Variants in MARK3 observed in about 807,000 individuals in gnomAD.
The protein encoded by MARK3 is microtubule affinity regulating kinase 3, also known as MAP/microtubule affinity-regulating kinase 3.
Under a neutral mutation model 90.1 loss-of-function variants are expected in MARK3, and 46 were observed. The observed-to-expected ratio is 0.51, with a 90% confidence interval of 0.40 to 0.65. The LOEUF (loss-of-function observed/expected upper bound fraction) is 0.65, where lower values mean the gene tolerates loss of function less well. Among genes scored for constraint, MARK3 ranks in the 30% least tolerant of loss-of-function variants. The pLI, the probability that MARK3 is intolerant of heterozygous loss-of-function variation, is 0.00. For missense variants in MARK3, 818 were observed against 947.2 expected (o/e 0.86, Z 1.79); for synonymous variants, 321 against 332.6 (o/e 0.97, Z 0.38).
In MARK3 at chr14:103,405,125, G is replaced by T; in HGVS notation, c.101G>T (p.Arg34Leu). 1.2e-6 allele frequency: 2 copies of T among 1,613,836 alleles called. No individual in the cohort carries two copies. The highest frequency in any genetic ancestry group is 8.5e-7 in the Non-Finnish European group (1 of 1,179,924). The change falls in exon 2 of 18, where the codon CGC becomes CTC. Residue 34 changes from arginine to leucine, a missense_variant. Physicochemically the swap from Arg to Leu is moderately radical, Grantham distance 102. This residue lies in a region of MARK3 where 157 missense variants were observed against 158.7 expected (regional missense o/e 0.99). Transcript: ENST00000429436. ...GRQEVTSRTS[R>L]SGARCRNSIA... The stretch of plus-strand genomic sequence containing the variant: ...CAAGAAGTTACCTCTCGTACCAGCC[G>T]CTCAGGAGCTCGGTGTAGAAACTCT...
intron 2 of MARK3, among the ~76,000 whole-genome samples, chr14:103,427,376 G>A (rs1449595604): frequency 1.3e-5 from 2 of 150,494 alleles, no homozygotes; most frequent in East Asian, 3.9e-4. Flanking sequence ...GTGCGCACCT[G>A]TAATCCCAGC....
At chr14:103,410,257 G>A (rs1595524829) in intron 2 of MARK3, among the ~76,000 whole-genome samples, 1 of 152,172 alleles carries the variant, frequency 6.6e-6, no homozygotes, top group African/African-American at 2.4e-5. Context: ...TACATGAAGG[G>A]CGTGATGGAA....
chr14:103,393,762 CT>C (rs36003065), intron 1 of MARK3, among the ~76,000 whole-genome samples: 71,071 of 145,278 alleles, frequency 0.49, 16,911 homozygotes, highest in South Asian at 0.61. Context: ...CATTTTATTA[CT>C]TTTTTTTTTT....
At chr14:103,420,678 A>G in intron 2 of MARK3, among the ~76,000 whole-genome samples, 1 of 152,082 alleles carries the variant, frequency 6.6e-6, no homozygotes, top group East Asian at 1.9e-4. Context: ...GATAGTTAAT[A>G]CTCATTTTTT....
At chr14:103,480,531 C>G (rs748536252) in intron 14 of MARK3, 41 bp downstream of exon 14, 317 of 1,235,042 alleles carry the variant, frequency 2.6e-4, no homozygotes, top group Non-Finnish European at 5.8e-5. Context: ...TTGTTTTTCC[C>G]AAGAGAAATG....
intron 3 of MARK3, among the ~76,000 whole-genome samples, chr14:103,439,516 C>G (rs141045532): frequency 1.1e-4 from 17 of 152,308 alleles, no homozygotes; most frequent in Non-Finnish European, 2.5e-4. Context: ...TCAAGCGATT[C>G]TTGTGCCTCA....
intron 3 of MARK3, among the ~76,000 whole-genome samples, chr14:103,438,061 C>T (rs937893008): frequency 3.3e-5 from 5 of 152,128 alleles, no homozygotes; most frequent in Non-Finnish European, 5.9e-5. Context: ...AGTGCAATGG[C>T]GTGATCTCGG....
intron 3 of MARK3, among the ~76,000 whole-genome samples, chr14:103,436,380 AC>A (rs1290689995): frequency 6.7e-6 from 1 of 149,924 alleles, no homozygotes; most frequent in Non-Finnish European, 1.5e-5. Flanking sequence ...TTTTCATTGA[AC>A]AACTCTTTTC....
intron 14 of MARK3, among the ~76,000 whole-genome samples, chr14:103,487,874 C>G (rs2093956441): frequency 6.6e-6 from 1 of 152,022 alleles, no homozygotes; most frequent in African/African-American, 2.4e-5. Flanking sequence ...TGGTGAAATC[C>G]CGTCTCTACG....
intron 1 of MARK3, among the ~76,000 whole-genome samples, chr14:103,397,286 C>T (rs2090637100): frequency 6.6e-6 from 1 of 151,908 alleles, no homozygotes; most frequent in South Asian, 2.1e-4. Flanking sequence ...CCTGCTAATG[C>T]CTACCATATA....
chr14:103,457,057 A>G (rs756476253), intron 5 of MARK3, 85 bp from the exon 6 acceptor site: 1 of 775,956 alleles, frequency 1.3e-6, no homozygotes, highest in Non-Finnish European at 2.1e-6. Context: ...AAATTAGAGC[A>G]TTGCTAAAAG....
intron 2 of MARK3, among the ~76,000 whole-genome samples, chr14:103,411,627 C>G (rs949572153): frequency 2.2e-4 from 33 of 150,894 alleles, no homozygotes; most frequent in African/African-American, 7.8e-4. Context: ...TTTTTTCTCT[C>G]TCTCTTTTTT....
intron 13 of MARK3, among the ~76,000 whole-genome samples, chr14:103,476,452 C>T (rs1046788966): frequency 2.8e-4 from 43 of 152,150 alleles, no homozygotes; most frequent in Admixed American, 1.4e-3. Flanking sequence ...AATTACACTG[C>T]CAACCTGAAT....
rs567743290 is a variant in MARK3 at position 103,407,065 on chromosome 14, C to T, written c.243+1798C>T. On this transcript the variant is annotated intron_variant, in intron 2 of 17. Coordinates refer to ENST00000429436, the MANE Select transcript of MARK3 (RefSeq NM_001128918.3). ...AGCCAGGATGGTCTCGATCTCATCT[C>T]GTGATCCGCCTGCCTCAGCCTCCCA... is the stretch of plus-strand genomic sequence containing the variant. Among the ~76,000 whole-genome samples, 9 of 151,584 alleles carry T rather than the reference C, an allele frequency of 5.9e-5. No homozygotes were observed. The South Asian group carries it at 6.3e-4, about 11-fold the overall frequency.
intron 15 of MARK3, among the ~76,000 whole-genome samples, chr14:103,493,729 G>A (rs1309645466): frequency 6.6e-6 from 1 of 151,592 alleles, no homozygotes; most frequent in Non-Finnish European, 1.5e-5. Context: ...ACAAAAATTA[G>A]CCAGGCATGG....
At chr14:103,471,109 A>G (rs1023264195) in intron 12 of MARK3, among the ~76,000 whole-genome samples, 1 of 152,154 alleles carries the variant, frequency 6.6e-6, no homozygotes, top group Non-Finnish European at 1.5e-5. Flanking sequence ...GTCACTAACA[A>G]GGGGGGTTTC....
At chr14:103,403,577 A>C (rs555674128) in intron 1 of MARK3, among the ~76,000 whole-genome samples, 1 of 152,278 alleles carries the variant, frequency 6.6e-6, no homozygotes, top group African/African-American at 2.4e-5. Flanking sequence ...TGTTTTCATG[A>C]AACTTAAATT....
At chr14:103,387,339 T>C (rs750044862) in intron 1 of MARK3, among the ~76,000 whole-genome samples, 2 of 152,120 alleles carry the variant, frequency 1.3e-5, no homozygotes, top group Non-Finnish European at 2.9e-5. Context: ...TGGCCCTGAG[T>C]AAGTAGAACA....
chr14:103,471,740 C>T (rs192841700), intron 12 of MARK3, among the ~76,000 whole-genome samples: 123 of 149,854 alleles, frequency 8.2e-4, no homozygotes, highest in African/African-American at 2.9e-3. Flanking sequence ...ACTTTTTCTG[C>T]GAATGGTGAT....
Sources: gnomAD v4.1 joint callset for allele counts (sites outside exome capture counted in the v4.1 genomes callset) on GRCh38, gnomAD v4.1.1 for gene constraint, gnomAD v4.1.1 regional missense constraint, MANE v1.5 for transcripts, NCBI Gene and HGNC (gene_info 2026-07-23, HGNC 2026-07-21) for gene names.